CTNNBL1: variants seen among roughly 807,000 people sequenced by gnomAD.
CTNNBL1 encodes the protein beta-catenin-like protein 1.
Under a neutral mutation model 72.7 loss-of-function variants are expected in CTNNBL1, and 31 were observed. That is an observed-to-expected ratio of 0.43 (90% confidence interval 0.32 to 0.58). The LOEUF is 0.58. Among genes scored for constraint, CTNNBL1 ranks in the 20% least tolerant of loss-of-function variants. The pLI, the probability that CTNNBL1 is intolerant of heterozygous loss-of-function variation, is 0.08. For synonymous variants in CTNNBL1, 240 were observed against 267.3 expected (o/e 0.90, Z 1.00); for missense variants, 534 against 725.1 (o/e 0.74, Z 3.03).
intron 13 of CTNNBL1, among the ~76,000 whole-genome samples, chr20:37,851,444 T>C (rs1404339823): frequency 6.6e-6 from 1 of 152,222 alleles, no homozygotes; most frequent in African/African-American, 2.4e-5. Flanking sequence ...CTAGGTGACC[T>C]TACATTTTAA....
At chr20:37,845,084 T>C (rs2072336082) in intron 13 of CTNNBL1, among the ~76,000 whole-genome samples, 1 of 152,218 alleles carries the variant, frequency 6.6e-6, no homozygotes, top group South Asian at 2.1e-4. Flanking sequence ...TTGGAATTCT[T>C]GTGTAATTTT....
chr20:37,869,133 A>G (rs2072561252), intron 15 of CTNNBL1, among the ~76,000 whole-genome samples: 2 of 152,248 alleles, frequency 1.3e-5, no homozygotes, highest in African/African-American at 2.4e-5. Context: ...TGGGCCTAAC[A>G]GAAGAGGATT....
At chr20:37,863,926 C>A (rs1251586720) in intron 15 of CTNNBL1, among the ~76,000 whole-genome samples, 1 of 152,186 alleles carries the variant, frequency 6.6e-6, no homozygotes. Context: ...TCTCAGCCCT[C>A]CCGCTGGTGT....
At chr20:37,791,790 G>T (rs1049603346) in intron 10 of CTNNBL1, among the ~76,000 whole-genome samples, 2 of 152,124 alleles carry the variant, frequency 1.3e-5, no homozygotes, top group African/African-American at 2.4e-5. Context: ...AGAATCTAAT[G>T]CCTTATGATC....
chr20:37,732,095 A>G (rs899169652), intron 1 of CTNNBL1, among the ~76,000 whole-genome samples: 1 of 152,222 alleles, frequency 6.6e-6, no homozygotes, highest in Non-Finnish European at 1.5e-5. Flanking sequence ...TTTTCATGAT[A>G]GCCATTCTGA....
At chr20:37,698,223 A>G (rs2072809519) in intron 1 of CTNNBL1, among the ~76,000 whole-genome samples, 1 of 152,374 alleles carries the variant, frequency 6.6e-6, no homozygotes, top group South Asian at 2.1e-4. Flanking sequence ...AACCAGTAAC[A>G]GGGCTGAAAC....
intron 1 of CTNNBL1, among the ~76,000 whole-genome samples, chr20:37,702,764 C>T (rs1268614362): frequency 1.3e-5 from 2 of 152,138 alleles, no homozygotes; most frequent in African/African-American, 2.4e-5. Flanking sequence ...TATTTATATG[C>T]CTCCTTACAC....
At chr20:37,756,204 T>G (rs547140936) in intron 4 of CTNNBL1, 2 of 152,244 alleles carry the variant, frequency 1.3e-5, no homozygotes, top group Non-Finnish European at 2.9e-5. Flanking sequence ...TGTCTGTGTG[T>G]ATTCTTCATT....
chr20:37,740,406 A>G (rs561393872), intron 3 of CTNNBL1, among the ~76,000 whole-genome samples: 100 of 152,300 alleles, frequency 6.6e-4, no homozygotes, highest in Non-Finnish European at 1.2e-3. Flanking sequence ...TGTCATTTTG[A>G]TCGCATACCC....
At chr20:37,864,568 C>A (rs1172948954) in intron 15 of CTNNBL1, among the ~76,000 whole-genome samples, 1 of 152,174 alleles carries the variant, frequency 6.6e-6, no homozygotes, top group Non-Finnish European at 1.5e-5. Flanking sequence ...TGTCTCTGCA[C>A]ACTGCTTACT....
At chr20:37,723,306 C>T (rs903297916) in intron 1 of CTNNBL1, among the ~76,000 whole-genome samples, 2 of 152,218 alleles carry the variant, frequency 1.3e-5, no homozygotes, top group Admixed American at 6.5e-5. Context: ...AATCAGATTA[C>T]AGATCATAAG....
chr20:37,732,815 G>T, intron 1 of CTNNBL1, 64 bp from the exon 2 acceptor site: 2 of 1,490,880 alleles, frequency 1.3e-6, no homozygotes, highest in Admixed American at 1.9e-5. Context: ...TTATAGGCAT[G>T]AGCCACCACG....
intron 1 of CTNNBL1, among the ~76,000 whole-genome samples, chr20:37,717,240 A>C (rs914811340): frequency 6.6e-6 from 1 of 152,202 alleles, no homozygotes; most frequent in African/African-American, 2.4e-5. Context: ...AAATAATTAA[A>C]TATTTCTTTG....
At chr20:37,869,969 C>T (rs947627164) in intron 15 of CTNNBL1, among the ~76,000 whole-genome samples, 4 of 150,842 alleles carry the variant, frequency 2.7e-5, no homozygotes, top group Non-Finnish European at 5.9e-5. Flanking sequence ...TAGGAGCCAC[C>T]GCAGGAAGTC....
intron 15 of CTNNBL1, among the ~76,000 whole-genome samples, chr20:37,868,101 G>T (rs1399691125): frequency 6.6e-6 from 1 of 152,180 alleles, no homozygotes; most frequent in Admixed American, 6.5e-5. Context: ...ATAAGAGAGG[G>T]TGACCCCAGC....
intron 11 of CTNNBL1, among the ~76,000 whole-genome samples, chr20:37,814,221 A>G (rs2072035381): frequency 6.6e-6 from 1 of 152,152 alleles, no homozygotes; most frequent in Non-Finnish European, 1.5e-5. Context: ...TTTAGATCAT[A>G]AATTAAGGTT....
chr20:37,807,988 T>C (rs1004239903), intron 11 of CTNNBL1, among the ~76,000 whole-genome samples: 1 of 152,342 alleles, frequency 6.6e-6, no homozygotes. Context: ...TTTCCTCGTA[T>C]TGCTTCATTA....
chr20:37,870,301 G>A (rs2072572742), intron 15 of CTNNBL1, among the ~76,000 whole-genome samples: 4 of 151,984 alleles, frequency 2.6e-5, no homozygotes, highest in South Asian at 4.2e-4. Flanking sequence ...CCATGCTCCA[G>A]TACTTCTAGA....
At chr20:37,764,473 G>C (rs548167022) in intron 5 of CTNNBL1, among the ~76,000 whole-genome samples, 7 of 152,112 alleles carry the variant, frequency 4.6e-5, no homozygotes, top group Middle Eastern at 3.2e-3. Flanking sequence ...TGCCTCCACT[G>C]CTCCATAGCT....
Sources: gnomAD v4.1 joint callset for allele counts (sites outside exome capture counted in the v4.1 genomes callset) on GRCh38, gnomAD v4.1.1 for gene constraint, MANE v1.5 for transcripts, NCBI Gene and HGNC (gene_info 2026-07-23, HGNC 2026-07-21) for gene names.